The following XIRP2 variants were observed in gnomAD, a reference collection of about 807,000 sequenced individuals.
The protein encoded by XIRP2 is xin actin-binding repeat-containing protein 2.
In XIRP2, 236 loss-of-function variants were observed where a neutral mutation model predicts 277.0. That is an observed-to-expected ratio of 0.85 (90% CI 0.77 to 0.95). The LOEUF is 0.95. Ranked by LOEUF, XIRP2 falls within the 40% of genes least tolerant of loss-of-function variation. The pLI is 0.00. For synonymous variants in XIRP2, 1,490 were observed against 1,416.5 expected (o/e 1.05, Z -1.17); for missense variants, 4,640 against 4,157.5 (o/e 1.12, Z -3.19).
intron 2 of XIRP2, among the ~76,000 whole-genome samples, chr2:167,079,304 TGTGTGTTTACCA>T (rs1324502528): frequency 1.3e-5 from 2 of 152,134 alleles, no homozygotes; most frequent in Admixed American, 6.5e-5. Context: ...TCTTTTACAT[TGTGTGTTTACCA>T]TATTTTGGTA....
intron 2 of XIRP2, among the ~76,000 whole-genome samples, chr2:167,018,149 C>T (rs1436674137): frequency 6.6e-6 from 1 of 152,012 alleles, no homozygotes; most frequent in African/African-American, 2.4e-5. Flanking sequence ...CAGCCAACTC[C>T]ACAGCCTTCT....
rs183336801 is a variant in XIRP2, at chr2:167,078,586, C to T, written c.409-57323C>T. Among the ~76,000 whole-genome samples, 15 of 152,154 alleles carry T rather than the reference C, an allele frequency of 9.9e-5. No individual in the cohort carries two copies. In the East Asian group the frequency reaches 2.9e-3, roughly 30 times the overall value. The stretch of plus-strand genomic sequence containing the variant: ...GAGTGGTGGCTCACGCCTGTAATCC[C>T]AGCACTTTGGGAGGCCGAGGTGGGC... On this transcript the variant is annotated intron_variant, in intron 2 of 10. Coordinates refer to ENST00000409195, the MANE Select transcript of XIRP2 (RefSeq NM_152381.6).
chr2:167,156,523 C>A (rs933502467), intron 3 of XIRP2, among the ~76,000 whole-genome samples: 1 of 152,114 alleles, frequency 6.6e-6, no homozygotes, highest in Non-Finnish European at 1.5e-5. Flanking sequence ...TAAAGTATTT[C>A]TCTATGATGT....
chr2:166,948,388 A>G (rs893251413), intron 2 of XIRP2, among the ~76,000 whole-genome samples: 8 of 152,080 alleles, frequency 5.3e-5, no homozygotes, highest in South Asian at 4.1e-4. Flanking sequence ...AAAAAAATCT[A>G]TTTTAAAAAG....
At chr2:166,908,891 T>C (rs1684615713) in intron 2 of XIRP2, among the ~76,000 whole-genome samples, 1 of 152,234 alleles carries the variant, frequency 6.6e-6, no homozygotes, top group Non-Finnish European at 1.5e-5. Flanking sequence ...CCCCATTTCT[T>C]GTTTTTGTCA....
chr2:167,208,453 G>T (rs533429962), intron 3 of XIRP2, among the ~76,000 whole-genome samples: 1 of 152,040 alleles, frequency 6.6e-6, no homozygotes, highest in Non-Finnish European at 1.5e-5. Context: ...GACTACAGGC[G>T]CCCGCCACCA....
chr2:167,181,284 G>C (rs1308748277), intron 3 of XIRP2, among the ~76,000 whole-genome samples: 1 of 152,134 alleles, frequency 6.6e-6, no homozygotes, highest in Non-Finnish European at 1.5e-5. Context: ...GTGAGTCCAA[G>C]CCTCTCTCTA....
chr2:167,247,591 G>C lies in XIRP2; in HGVS notation c.6199G>C (p.Asp2067His). 6.2e-7 allele frequency: 1 copy of C among 1,613,666 alleles called. No individual in the cohort carries two copies. Among genetic ancestry groups the C allele is most frequent in the Non-Finnish European group, 8.5e-7 (1 of 1,179,732 alleles). ...ESGDKTGVWT[D>H]TTGEQHLRDE... ...AGGAGACAAAACGGGTGTCTGGACT[G>C]ATACTACAGGAGAACAGCATCTTAG... Residue 2067 changes from aspartate (D) to histidine (H), a missense_variant, in exon 9 of 11, where the codon GAT (aspartate) becomes CAT (histidine). Asp to His is a moderately conservative substitution (Grantham distance 81). Transcript: ENST00000409195.
intron 3 of XIRP2, among the ~76,000 whole-genome samples, chr2:167,177,248 G>C (rs1459433453): frequency 3.3e-5 from 5 of 152,126 alleles, no homozygotes; most frequent in African/African-American, 1.2e-4. Context: ...CATAGATAGA[G>C]CTTATCATTT....
At chr2:166,945,521 A>G (rs1685835270) in intron 2 of XIRP2, among the ~76,000 whole-genome samples, 1 of 152,108 alleles carries the variant, frequency 6.6e-6, no homozygotes, top group Non-Finnish European at 1.5e-5. Context: ...AAAGTAACGT[A>G]TCGGAAAGAC....
chr2:167,228,755 C>T (rs544287091), intron 5 of XIRP2, among the ~76,000 whole-genome samples: 24 of 152,152 alleles, frequency 1.6e-4, no homozygotes, highest in South Asian at 8.3e-4. Flanking sequence ...TTTCTTTCTA[C>T]GATTCATTTT....
chr2:167,022,277 T>A (rs1009381693), intron 2 of XIRP2, among the ~76,000 whole-genome samples: 3 of 152,098 alleles, frequency 2.0e-5, no homozygotes, highest in African/African-American at 4.8e-5. Flanking sequence ...TTATGTAGAA[T>A]GAGTAATTCA....
chr2:167,248,179 T>G lies in XIRP2; in HGVS notation c.6787T>G (p.Leu2263Val). Reference sequence around the variant, plus strand: ...AATGAAAACAAATACTTCCACAGGCTTAAAAATGGCAATGGAAAGGTCCTT... The same window carrying G: ...AATGAAAACAAATACTTCCACAGGCGTAAAAATGGCAATGGAAAGGTCCTT... Reference protein sequence around the residue: ...FLMKTNTSTGLKMAMERSLNP... With the variant: ...FLMKTNTSTGVKMAMERSLNP... Residue 2263 changes from leucine to valine, a missense_variant, in exon 9 of 11, where the codon TTA becomes GTA. Physicochemically the swap from Leu to Val is conservative, Grantham distance 32. Coordinates refer to ENST00000409195, the MANE Select transcript of XIRP2 (RefSeq NM_152381.6). The G allele has an allele frequency of 6.2e-7, 1 of 1,613,718 alleles. No individual in the cohort carries two copies. Among genetic ancestry groups the G allele is most frequent in the Non-Finnish European group, 8.5e-7 (1 of 1,179,798 alleles).
chr2:167,201,130 G>C (rs1396254613), intron 3 of XIRP2, among the ~76,000 whole-genome samples: 1 of 146,404 alleles, frequency 6.8e-6, no homozygotes, highest in East Asian at 2.0e-4. Context: ...TGTCAAGAAA[G>C]AGAGAGAGAG....
At chr2:166,955,217 A>C (rs983324723) in intron 2 of XIRP2, among the ~76,000 whole-genome samples, 1 of 151,958 alleles carries the variant, frequency 6.6e-6, no homozygotes, top group African/African-American at 2.4e-5. Flanking sequence ...TATTCAACGG[A>C]AAACTATTCA....
intron 3 of XIRP2, among the ~76,000 whole-genome samples, chr2:167,136,298 A>G (rs1691550523): frequency 6.6e-6 from 1 of 152,182 alleles, no homozygotes; most frequent in South Asian, 2.1e-4. Flanking sequence ...ACTATAAACC[A>G]GTACAACAAG....
chr2:166,996,148 T>G (rs1687215452), intron 2 of XIRP2, among the ~76,000 whole-genome samples: 1 of 152,178 alleles, frequency 6.6e-6, no homozygotes, highest in Admixed American at 6.5e-5. Context: ...ATATTTAGTC[T>G]TAGGAGAGTT....
chr2:167,103,069 G>A (rs1160712346), intron 2 of XIRP2, among the ~76,000 whole-genome samples: 1 of 152,080 alleles, frequency 6.6e-6, no homozygotes, highest in Non-Finnish European at 1.5e-5. Flanking sequence ...AGCCTGGGAG[G>A]TTGAGACTAC....
Position 167,243,854 on chromosome 2 carries a change from A to C in XIRP2, c.2462A>C (p.Lys821Thr). 1 of 1,613,824 alleles carries C rather than the reference A, an allele frequency of 6.2e-7. No individual in the cohort carries two copies. The highest frequency in any genetic ancestry group is 8.5e-7 in the Non-Finnish European group (1 of 1,179,892). ...GAAACCCAACCTTTGGAGAAAATCA[A>C]AGAGTCAGAAGAGGTCATCATTGAA... Reference protein sequence around the residue: ...LFETQPLEKIKESEEVIIEKE... With the variant: ...LFETQPLEKITESEEVIIEKE... Residue 821 changes from lysine to threonine, a missense_variant, in exon 9 of 11, where the codon AAA (lysine) becomes ACA (threonine). Coordinates refer to ENST00000409195, the MANE Select transcript of XIRP2 (RefSeq NM_152381.6).
Sources: gnomAD v4.1 joint callset for allele counts (sites outside exome capture counted in the v4.1 genomes callset) on GRCh38, gnomAD v4.1.1 for gene constraint, MANE v1.5 for transcripts, NCBI Gene and HGNC (gene_info 2026-07-23, HGNC 2026-07-21) for gene names.